EVA1A: variants seen among roughly 807,000 people sequenced by gnomAD.
EVA1A encodes the protein eva-1 homolog A, regulator of programmed cell death, also known as protein eva-1 homolog A.
EVA1A carries 7 observed loss-of-function variants against 9.8 expected under a neutral mutation model. The observed-to-expected ratio is 0.71, with a 90% CI of 0.41 to 1.34. The LOEUF is 1.34. EVA1A is among the 40% of genes most tolerant of loss of function. The pLI is 0.01. For synonymous variants in EVA1A, 90 were observed against 85.6 expected (o/e 1.05, Z -0.28); for missense variants, 206 against 205.9 (o/e 1.00, Z 0.00).
At position 75,516,330 on chromosome 2, in the gene EVA1A, C is replaced by G. The variant is rs150137532; in HGVS notation, c.85+1726G>C. Among the ~76,000 whole-genome samples, 7 of 152,322 alleles carry G rather than the reference C, an allele frequency of 4.6e-5. No individual in the cohort carries two copies. The East Asian group carries it at 1.3e-3, about 29-fold the overall frequency. On this transcript the variant is annotated intron_variant, in intron 3 of 3. Coordinates refer to ENST00000393913, the MANE Select transcript of EVA1A (RefSeq NM_001135032.2). ...AATAGATTTTCAGTCACTGAGTCTA[C>G]ACACTGCATCCAAATTTTATTTTAG...
chr2:75,524,104 G>A (rs766853967), intron 1 of EVA1A: 1 of 152,848 alleles, frequency 6.5e-6, no homozygotes, highest in African/African-American at 2.4e-5. Flanking sequence ...GGACATGTTT[G>A]CTTCCCCTTC....
Position 75,493,220 on chromosome 2 carries a change from G to C in EVA1A, c.*16C>G, listed in dbSNP as rs1389164621. On this transcript the variant is annotated 3_prime_UTR_variant, in exon 4 of 4. Transcript: ENST00000393913. ...TTCCAGGCGGCCTCCAGTGGTTTCC[G>C]GGGTCCTGCTGCTCCCTAATAGTAG... The C allele has an allele frequency of 6.3e-7, 1 of 1,594,494 alleles. No individual in the cohort carries two copies. The highest frequency in any genetic ancestry group is 1.7e-5 in the Admixed American group (1 of 58,644).
chr2:75,530,329 A>G (rs1053521477), intron 1 of EVA1A, among the ~76,000 whole-genome samples: 6 of 152,214 alleles, frequency 3.9e-5, no homozygotes, highest in Non-Finnish European at 8.8e-5. Flanking sequence ...GCATTCAAAG[A>G]AGAATTGGTA....
At chr2:75,541,291 C>T (rs1219574610) in intron 1 of EVA1A, among the ~76,000 whole-genome samples, 8 of 152,168 alleles carry the variant, frequency 5.3e-5, no homozygotes, top group Non-Finnish European at 8.8e-5. Flanking sequence ...TAGATTCTGT[C>T]CATAAGTATT....
At chr2:75,538,971 T>C (rs181097451) in intron 1 of EVA1A, among the ~76,000 whole-genome samples, 1 of 152,366 alleles carries the variant, frequency 6.6e-6, no homozygotes, top group East Asian at 1.9e-4. Context: ...AGCACAGTTT[T>C]GCACGATGTC....
At chr2:75,505,039 T>C (rs1265920766) in intron 3 of EVA1A, among the ~76,000 whole-genome samples, 1 of 152,174 alleles carries the variant, frequency 6.6e-6, no homozygotes, top group Admixed American at 6.5e-5. Context: ...TCCATTGCCC[T>C]GCCCCTCCTC....
chr2:75,567,810 G>A (rs1471693092), intron 1 of EVA1A, among the ~76,000 whole-genome samples: 4 of 152,080 alleles, frequency 2.6e-5, no homozygotes, highest in African/African-American at 7.2e-5. Flanking sequence ...GCAACCAGTC[G>A]GTCTCCTGTG....
upstream of EVA1A, among the ~76,000 whole-genome samples, chr2:75,565,317 T>A (rs576448056): frequency 3.9e-5 from 6 of 152,262 alleles, no homozygotes; most frequent in East Asian, 7.7e-4. Context: ...CAATGTGCTG[T>A]TAGGATTGAA....
Position 75,518,174 on chromosome 2 carries a change from G to A in EVA1A, c.-34C>T, listed in dbSNP as rs1282953221. The A allele has an allele frequency of 1.2e-6, 2 of 1,606,922 alleles. No homozygotes were observed. The highest frequency in any genetic ancestry group is 1.7e-6 in the Non-Finnish European group (2 of 1,177,716). On this transcript the variant is annotated 5_prime_UTR_variant, in exon 3 of 4. Coordinates refer to ENST00000393913, the MANE Select transcript of EVA1A (RefSeq NM_001135032.2). Reference sequence around the variant, plus strand: ...CAGAGGGGACCTCCTGGAGGTGCTTGGCTGAATCAACGTGGCCACTCTCCT... The same window carrying A: ...CAGAGGGGACCTCCTGGAGGTGCTTAGCTGAATCAACGTGGCCACTCTCCT...
chr2:75,524,203 C>T (rs948823394), intron 1 of EVA1A: 1 of 152,098 alleles, frequency 6.6e-6, no homozygotes, highest in African/African-American at 2.4e-5. Flanking sequence ...ACGGGTATAT[C>T]TTTATTAGCA....
At chr2:75,499,837 T>G (rs1674346074) in intron 3 of EVA1A, among the ~76,000 whole-genome samples, 1 of 152,208 alleles carries the variant, frequency 6.6e-6, no homozygotes, top group Admixed American at 6.5e-5. Flanking sequence ...GGCCTGAGTT[T>G]CATCTCACTG....
Position 75,548,183 on chromosome 2 carries a change from A to G in EVA1A, c.-192+12497T>C, listed in dbSNP as rs539536712. Among the ~76,000 whole-genome samples the G allele has an allele frequency of 2.0e-5, 3 of 152,326 alleles. No individual in the cohort carries two copies. In the East Asian group the frequency reaches 5.8e-4, roughly 29 times the overall value. ...GGTCTCATTCTGTCACTCAGGCTAT[A>G]ATGCAGAAGCGTGATCTTGGCTCAC... is the stretch of plus-strand genomic sequence containing the variant. On this transcript the variant is annotated intron_variant, in intron 1 of 3. Transcript: ENST00000393913.
At chr2:75,551,508 C>T (rs1271640783) in intron 1 of EVA1A, among the ~76,000 whole-genome samples, 1 of 152,214 alleles carries the variant, frequency 6.6e-6, no homozygotes, top group Non-Finnish European at 1.5e-5. Context: ...TGCACATCCC[C>T]TTCCCTGTTG....
At chr2:75,549,003 TATATA>T (rs1243211513) in intron 1 of EVA1A, among the ~76,000 whole-genome samples, 44 of 93,840 alleles carry the variant, frequency 4.7e-4, no homozygotes, top group African/African-American at 2.2e-3. Flanking sequence ...TATATATATA[TATATA>T]TTTTTTTTTT....
At chr2:75,557,997 T>C (rs1400599582) in intron 1 of EVA1A, among the ~76,000 whole-genome samples, 1 of 152,256 alleles carries the variant, frequency 6.6e-6, no homozygotes, top group Non-Finnish European at 1.5e-5. Context: ...GTAAAGAGTA[T>C]GTGTTTTGAA....
At chr2:75,544,594 A>G (rs1227520447) in intron 1 of EVA1A, among the ~76,000 whole-genome samples, 1 of 152,228 alleles carries the variant, frequency 6.6e-6, no homozygotes, top group African/African-American at 2.4e-5. Context: ...AGTGATTACT[A>G]CAGAGAAACA....
intron 3 of EVA1A, among the ~76,000 whole-genome samples, chr2:75,506,841 C>G (rs1419607573): frequency 6.6e-6 from 1 of 152,184 alleles, no homozygotes; most frequent in Non-Finnish European, 1.5e-5. Context: ...AAAGTAGAAC[C>G]TGGGACTGAG....
chr2:75,556,509 CA>C (rs1676716053), intron 1 of EVA1A, among the ~76,000 whole-genome samples: 1 of 152,130 alleles, frequency 6.6e-6, no homozygotes, highest in Non-Finnish European at 1.5e-5. Context: ...AAGTGATGCC[CA>C]AAGATCTTGG....
intron 1 of EVA1A, among the ~76,000 whole-genome samples, chr2:75,566,603 G>A (rs1290288409): frequency 6.6e-6 from 1 of 152,162 alleles, no homozygotes; most frequent in Non-Finnish European, 1.5e-5. Flanking sequence ...CTGTTCTATT[G>A]TGGAGTGGGG....
Sources: gnomAD v4.1 joint callset for allele counts (sites outside exome capture counted in the v4.1 genomes callset) on GRCh38, gnomAD v4.1.1 for gene constraint, MANE v1.5 for transcripts, NCBI Gene and HGNC (gene_info 2026-07-23, HGNC 2026-07-21) for gene names.